Variants in ANO2 observed in about 807,000 individuals in gnomAD.
The protein encoded by ANO2 is anoctamin-2.
In ANO2, 101 loss-of-function variants were observed where a neutral mutation model predicts 124.2. The observed-to-expected ratio is 0.81, with a 90% confidence interval of 0.69 to 0.96. The LOEUF (loss-of-function observed/expected upper bound fraction) is 0.96. Among genes scored for constraint, ANO2 ranks in the 40% least tolerant of loss-of-function variants. ANO2 has a pLI of 0.00. For missense variants in ANO2, 1,293 were observed against 1,274.5 expected (o/e 1.01, Z -0.22); for synonymous variants, 486 against 482.5 (o/e 1.01, Z -0.09).
At chr12:5,911,048 A>T (rs1941018578) in intron 3 of ANO2, among the ~76,000 whole-genome samples, 1 of 152,016 alleles carries the variant, frequency 6.6e-6, no homozygotes, top group Admixed American at 6.6e-5. Context: ...TTTCACCCAG[A>T]CCTTCACAAC....
intron 23 of ANO2, among the ~76,000 whole-genome samples, chr12:5,571,464 G>C (rs1006459227): frequency 6.6e-6 from 1 of 152,186 alleles, no homozygotes; most frequent in African/African-American, 2.4e-5. Context: ...GCGAGGCTGG[G>C]TTGGAGTCGG....
Position 5,904,978 on chromosome 12 carries a change from C to A in ANO2, c.534+16062G>T, listed in dbSNP as rs932462131. On this transcript the variant is annotated intron_variant, in intron 3 of 24. Transcript: ENST00000682330. This position sits in a 1 kb window ranked among gnomAD's most constrained non-coding sequence, Gnocchi z 4.1. The stretch of plus-strand genomic sequence containing the variant: ...AGAGGTGTTCTTCTCCTCCCCTGAA[C>A]TTTCTTAAGTGGCTGACAATCCAAA... Among the ~76,000 whole-genome samples, 1 of 152,190 alleles carries A rather than the reference C, an allele frequency of 6.6e-6. No individual in the cohort carries two copies. Among genetic ancestry groups the A allele is most frequent in the Non-Finnish European group, 1.5e-5 (1 of 68,036 alleles).
At position 5,650,581 on chromosome 12, in the gene ANO2, A is replaced by C. The variant is rs377268419; in HGVS notation, c.1546-2780T>G. On this transcript the variant is annotated intron_variant, in intron 14 of 24. Coordinates refer to ENST00000682330, the MANE Select transcript of ANO2 (RefSeq NM_001364791.2). ...GAGTAAAGTAGTCTTTACTTATAAT[A>C]ATCTGGCTCTAATAATGGAAGCCAA... 2.0e-5 allele frequency among the ~76,000 whole-genome samples: 3 copies of C among 152,360 alleles called. No individual in the cohort carries two copies. In the East Asian group the frequency reaches 5.8e-4, roughly 29 times the overall value.
chr12:5,704,756 A>G (rs563062686), intron 14 of ANO2, among the ~76,000 whole-genome samples: 1 of 151,758 alleles, frequency 6.6e-6, no homozygotes, highest in South Asian at 2.1e-4. Flanking sequence ...CATATTCCCA[A>G]TTGTGCCCCA....
intron 20 of ANO2, among the ~76,000 whole-genome samples, chr12:5,587,530 C>T (rs1338299843): frequency 2.0e-5 from 3 of 152,276 alleles, no homozygotes; most frequent in African/African-American, 7.2e-5. Context: ...GAGGGGCCTG[C>T]GGCAATGGAG....
intron 10 of ANO2, among the ~76,000 whole-genome samples, chr12:5,778,544 A>C (rs1226243298): frequency 6.6e-6 from 1 of 152,226 alleles, no homozygotes; most frequent in Non-Finnish European, 1.5e-5. Context: ...CACATCTAAC[A>C]TATCTGAAAT....
chr12:5,739,207 G>A, intron 13 of ANO2, 110 bp downstream of exon 13: 2 of 1,058,934 alleles, frequency 1.9e-6, no homozygotes, highest in Non-Finnish European at 2.9e-6. Flanking sequence ...GTGAGATCCA[G>A]CCAGTGACAG....
Position 5,908,143 on chromosome 12 carries a change from G to A in ANO2, c.534+12897C>T, listed in dbSNP as rs113999817. On this transcript the variant is annotated intron_variant, in intron 3 of 24. Coordinates refer to ENST00000682330, the MANE Select transcript of ANO2 (RefSeq NM_001364791.2). This position sits in a 1 kb window ranked among gnomAD's most constrained non-coding sequence, Gnocchi z 4.7. ...CACTCTGAAGCCTTTGGGGGTTCCCGTGTCTGCAGAGAACAACAGAAAAGC... is the reference window on the plus strand; with the variant it reads ...CACTCTGAAGCCTTTGGGGGTTCCCATGTCTGCAGAGAACAACAGAAAAGC... Among the ~76,000 whole-genome samples, 1,152 of 152,322 alleles carry A rather than the reference G, an allele frequency of 7.6e-3. 14 individuals carry two copies. The highest frequency in any genetic ancestry group is 0.026 in the African/African-American group (1,088 of 41,566).
intron 20 of ANO2, among the ~76,000 whole-genome samples, chr12:5,581,120 T>C (rs1436798963): frequency 6.6e-6 from 1 of 152,164 alleles, no homozygotes; most frequent in African/African-American, 2.4e-5. Context: ...ATGAATGGAA[T>C]TAACAAGGAA....
intron 19 of ANO2, among the ~76,000 whole-genome samples, chr12:5,600,020 T>G (rs945071004): frequency 6.6e-6 from 1 of 152,182 alleles, no homozygotes; most frequent in South Asian, 2.1e-4. Flanking sequence ...AGGTGAAACA[T>G]TTTTCAGGTC....
intron 3 of ANO2, among the ~76,000 whole-genome samples, chr12:5,871,153 C>T (rs1937665920): frequency 6.6e-6 from 1 of 152,122 alleles, no homozygotes; most frequent in Middle Eastern, 3.2e-3. Flanking sequence ...GAGATGGGAG[C>T]ACTTAATGGT....
chr12:5,855,872 A>C (rs578258478), intron 3 of ANO2, among the ~76,000 whole-genome samples: 1 of 152,324 alleles, frequency 6.6e-6, no homozygotes, highest in South Asian at 2.1e-4. Context: ...ACACAAAGAC[A>C]TGTGTTTAGG....
intron 4 of ANO2, among the ~76,000 whole-genome samples, chr12:5,849,505 G>A (rs1221290499): frequency 6.6e-6 from 1 of 152,160 alleles, no homozygotes; most frequent in Admixed American, 6.5e-5. Context: ...CAGGCTGCTC[G>A]GGGCCAAAGG....
rs372107670 is a variant in ANO2, at chr12:5,817,209, C to T, written c.893-9841G>A. Among the ~76,000 whole-genome samples the T allele has an allele frequency of 2.4e-4, 37 of 152,240 alleles. No individual in the cohort carries two copies. The South Asian group carries it at 4.1e-3, about 17-fold the overall frequency. On this transcript the variant is annotated intron_variant, in intron 7 of 24. Coordinates refer to ENST00000682330, the MANE Select transcript of ANO2 (RefSeq NM_001364791.2). Reference sequence around the variant, plus strand: ...CCAGTTTACAAAACAAGCTAACAGCCGCTTATTTCATCTTTACAAAAACTC... The same window carrying T: ...CCAGTTTACAAAACAAGCTAACAGCTGCTTATTTCATCTTTACAAAAACTC...
intron 19 of ANO2, among the ~76,000 whole-genome samples, chr12:5,610,825 C>CACACACAT (rs1470517374): frequency 0.011 from 1,440 of 136,554 alleles, 28 homozygotes; most frequent in African/African-American, 0.035. Context: ...TCCATACACA[C>CACACACAT]ACACACACAC....
At chr12:5,798,227 C>T (rs1246010405) in intron 10 of ANO2, among the ~76,000 whole-genome samples, 1 of 151,948 alleles carries the variant, frequency 6.6e-6, no homozygotes, top group Non-Finnish European at 1.5e-5. Flanking sequence ...TGAAAGGCAG[C>T]CAGGGGACGG....
chr12:5,824,258 T>C (rs563885352), intron 7 of ANO2, among the ~76,000 whole-genome samples: 49 of 152,346 alleles, frequency 3.2e-4, no homozygotes, highest in African/African-American at 1.1e-3. Flanking sequence ...TTTTCTATCA[T>C]ATAGTCAGGC....
intron 14 of ANO2, among the ~76,000 whole-genome samples, chr12:5,686,154 C>T (rs1948697859): frequency 6.6e-6 from 1 of 152,118 alleles, no homozygotes; most frequent in Admixed American, 6.5e-5. Context: ...GTAAAGTCCC[C>T]TTCCCCTCCC....
chr12:5,647,616 C>T (rs1012530576), intron 15 of ANO2, 111 bp downstream of exon 15: 29 of 923,702 alleles, frequency 3.1e-5, no homozygotes, highest in East Asian at 5.3e-5. Context: ...CTGTGGCTTC[C>T]CCTTTACCAG....
Sources: allele counts gnomAD v4.1 joint callset (sites outside exome capture counted in the v4.1 genomes callset), GRCh38; gene constraint gnomAD v4.1.1; non-coding constraint Gnocchi (gnomAD v3.1); transcripts MANE v1.5; gene names NCBI Gene and HGNC (gene_info 2026-07-23, HGNC 2026-07-21).